The following CNTN4 variants were observed in gnomAD, a reference collection of about 807,000 sequenced individuals.
The protein encoded by CNTN4 is contactin 4, also known as contactin-4.
In CNTN4, 77 loss-of-function variants were observed where a neutral mutation model predicts 122.5. The ratio of observed to expected loss-of-function variants is 0.63; its 90% CI spans 0.52 to 0.76. CNTN4 has a LOEUF of 0.76. Ranked by LOEUF, CNTN4 falls within the 30% of genes least tolerant of loss-of-function variation. The pLI is 0.00. For missense variants in CNTN4, 1,256 were observed against 1,259.1 expected, an observed-to-expected ratio of 1.00 and a Z score of 0.04; for synonymous variants, 512 against 447.0, an observed-to-expected ratio of 1.15 and a Z score of -1.83.
At chr3:2,513,719 C>T (rs761213337) in intron 3 of CNTN4, among the ~76,000 whole-genome samples, 3 of 152,088 alleles carry the variant, frequency 2.0e-5, no homozygotes, top group African/African-American at 4.8e-5. Context: ...CTATTACTTT[C>T]GGAATGTTTA....
intron 4 of CNTN4, among the ~76,000 whole-genome samples, chr3:2,725,475 C>T (rs1280778602): frequency 2.6e-5 from 4 of 152,138 alleles, no homozygotes; most frequent in South Asian, 2.1e-4. Context: ...TTTTGGTTAA[C>T]GGTCTTTTCA....
chr3:2,494,231 T>C (rs2076392836), intron 3 of CNTN4, among the ~76,000 whole-genome samples: 1 of 152,068 alleles, frequency 6.6e-6, no homozygotes, highest in Admixed American at 6.5e-5. Flanking sequence ...ATGCCCAAGG[T>C]GGTTGGGTTA....
At chr3:2,111,679 G>T (rs2125137596) in intron 2 of CNTN4, among the ~76,000 whole-genome samples, 1 of 152,136 alleles carries the variant, frequency 6.6e-6, no homozygotes, top group African/African-American at 2.4e-5. Context: ...TGTAACATCA[G>T]ACCAAGTCAT....
intron 3 of CNTN4, among the ~76,000 whole-genome samples, chr3:2,543,923 G>A (rs1037466467): frequency 2.0e-5 from 3 of 152,042 alleles, no homozygotes; most frequent in Non-Finnish European, 4.4e-5. Flanking sequence ...AGCTATCTTG[G>A]TATGAAGGTA....
At chr3:2,505,939 G>A (rs2076718896) in intron 3 of CNTN4, among the ~76,000 whole-genome samples, 1 of 152,136 alleles carries the variant, frequency 6.6e-6, no homozygotes, top group Non-Finnish European at 1.5e-5. Context: ...AGGAAGAAAA[G>A]CAGGCATCTT....
chr3:2,379,830 G>A (rs1253712024), intron 3 of CNTN4, among the ~76,000 whole-genome samples: 1 of 152,026 alleles, frequency 6.6e-6, no homozygotes, highest in African/African-American at 2.4e-5. Context: ...CGAGGTGGGC[G>A]GATTATCTGA....
At chr3:2,191,079 A>G (rs2037521997) in intron 2 of CNTN4, among the ~76,000 whole-genome samples, 1 of 151,760 alleles carries the variant, frequency 6.6e-6, no homozygotes, top group African/African-American at 2.4e-5. Flanking sequence ...TACTGGCATA[A>G]TGTATTTTTG....
chr3:2,579,873 G>A (rs2079857553), intron 4 of CNTN4, among the ~76,000 whole-genome samples: 2 of 152,130 alleles, frequency 1.3e-5, no homozygotes, highest in Admixed American at 1.3e-4. Flanking sequence ...TGATGTTGAC[G>A]ATGATGTTGC....
chr3:2,355,593 C>T (rs1364384990), intron 3 of CNTN4, among the ~76,000 whole-genome samples: 1 of 152,156 alleles, frequency 6.6e-6, no homozygotes, highest in Non-Finnish European at 1.5e-5. Flanking sequence ...TTCCCCAATC[C>T]CCTCCTGCGC....
At chr3:2,924,198 C>T (rs1006164868) in intron 12 of CNTN4, among the ~76,000 whole-genome samples, 2 of 152,074 alleles carry the variant, frequency 1.3e-5, no homozygotes, top group Admixed American at 6.6e-5. Context: ...GAAAGTATTT[C>T]CACAACAAAA....
At chr3:2,757,389 ACTT>A (rs963593923) in intron 6 of CNTN4, among the ~76,000 whole-genome samples, 1 of 152,056 alleles carries the variant, frequency 6.6e-6, no homozygotes, top group African/African-American at 2.4e-5. Flanking sequence ...CGCTCTCTGG[ACTT>A]CTTCCGTTTT....
chr3:2,982,559 C>G (rs1344794504), intron 13 of CNTN4, among the ~76,000 whole-genome samples: 1 of 152,042 alleles, frequency 6.6e-6, no homozygotes, highest in East Asian at 1.9e-4. Context: ...ATATGGTAGG[C>G]AAAATAATTG....
chr3:2,800,873 C>T (rs887995722), intron 6 of CNTN4, among the ~76,000 whole-genome samples: 1 of 152,186 alleles, frequency 6.6e-6, no homozygotes, highest in Non-Finnish European at 1.5e-5. Context: ...CGTAAACATT[C>T]ATCTGGCTAA....
intron 3 of CNTN4, among the ~76,000 whole-genome samples, chr3:2,504,659 C>T (rs1421552482): frequency 1.3e-5 from 2 of 152,010 alleles, no homozygotes; most frequent in Non-Finnish European, 2.9e-5. Flanking sequence ...ATATTATTGA[C>T]AAGTTACAAA....
intron 2 of CNTN4, among the ~76,000 whole-genome samples, chr3:2,166,291 A>T (rs1374890570): frequency 1.3e-5 from 2 of 151,774 alleles, no homozygotes; most frequent in Admixed American, 6.6e-5. Flanking sequence ...ACCTGTTAGG[A>T]TTTTTTTTGG....
intron 2 of CNTN4, among the ~76,000 whole-genome samples, chr3:2,290,823 G>A (rs2042106543): frequency 1.3e-5 from 2 of 151,738 alleles, no homozygotes; most frequent in Non-Finnish European, 2.9e-5. Context: ...CTGATGAGAG[G>A]AAAAAACTTA....
intron 2 of CNTN4, among the ~76,000 whole-genome samples, chr3:2,283,703 T>A (rs369793837): frequency 6.6e-6 from 1 of 152,108 alleles, no homozygotes; most frequent in African/African-American, 2.4e-5. Context: ...AACTTCTTTC[T>A]TCTATCCAGA....
At chr3:2,840,628 G>A (rs1213529860) in intron 7 of CNTN4, among the ~76,000 whole-genome samples, 4 of 136,130 alleles carry the variant, frequency 2.9e-5, no homozygotes, top group Non-Finnish European at 6.4e-5. Context: ...GAACCCGGGA[G>A]GCGGAGCTTG....
chr3:2,113,228 A>G (rs950058166), intron 2 of CNTN4, among the ~76,000 whole-genome samples: 4 of 152,200 alleles, frequency 2.6e-5, no homozygotes, highest in African/African-American at 4.8e-5. Flanking sequence ...TTGTCCATCA[A>G]TAGGGACTAT....
Sources: allele counts gnomAD v4.1 joint callset (sites outside exome capture counted in the v4.1 genomes callset), GRCh38; gene constraint gnomAD v4.1.1; transcripts MANE v1.5; gene names NCBI Gene and HGNC (gene_info 2026-07-23, HGNC 2026-07-21).